CNTNAP5: variants seen among roughly 807,000 people sequenced by gnomAD.
CNTNAP5 encodes the protein contactin-associated protein-like 5.
CNTNAP5 carries 72 observed loss-of-function variants against 150.2 expected under a neutral mutation model. The ratio of observed to expected loss-of-function variants is 0.48; its 90% CI spans 0.40 to 0.58. The LOEUF is 0.58. Ranked by LOEUF, CNTNAP5 falls within the 20% of genes least tolerant of loss-of-function variation. The pLI is 0.00. For synonymous variants in CNTNAP5, 672 were observed against 619.8 expected (o/e 1.08, Z -1.25); for missense variants, 1,636 against 1,626.2 (o/e 1.01, Z -0.10).
intron 12 of CNTNAP5, among the ~76,000 whole-genome samples, chr2:124,612,203 A>G (rs1677399321): frequency 6.6e-6 from 1 of 152,248 alleles, no homozygotes; most frequent in African/African-American, 2.4e-5. Context: ...TCCGCAATCC[A>G]GAGATTGCCA....
intron 3 of CNTNAP5, among the ~76,000 whole-genome samples, chr2:124,250,816 G>GA (rs143368701): frequency 0.06 from 8,229 of 137,632 alleles, 704 homozygotes; most frequent in African/African-American, 0.19. Flanking sequence ...TTTTTAAGTT[G>GA]AAAAAAAAAA....
chr2:124,791,698 T>C (rs1019001223), intron 18 of CNTNAP5, among the ~76,000 whole-genome samples: 3 of 148,932 alleles, frequency 2.0e-5, no homozygotes, highest in South Asian at 4.2e-4. Context: ...AATTTCTTTT[T>C]TTTTTTTTTT....
At chr2:124,441,207 C>A (rs927032106) in intron 5 of CNTNAP5, among the ~76,000 whole-genome samples, 1 of 152,008 alleles carries the variant, frequency 6.6e-6, no homozygotes, top group South Asian at 2.1e-4. Context: ...TCCATATGTG[C>A]TCCTTTTTGG....
chr2:124,445,355 C>A (rs904464519), intron 5 of CNTNAP5, among the ~76,000 whole-genome samples: 2 of 152,088 alleles, frequency 1.3e-5, no homozygotes, highest in African/African-American at 4.8e-5. Flanking sequence ...GCCTCGGCCT[C>A]CCAAAGTGGT....
Position 124,463,040 on chromosome 2 carries a change from T to C in CNTNAP5, c.919-11699T>C, listed in dbSNP as rs527325562. 2.6e-5 allele frequency among the ~76,000 whole-genome samples: 4 copies of C among 152,238 alleles called. No homozygotes were observed. In the South Asian group the frequency reaches 8.3e-4, roughly 32 times the overall value. ...TGGAAGGCGGTGGCAACCTCCTATG[T>C]CATCTCCCCTGGGCTCATAAGGCCC... On this transcript the variant is annotated intron_variant, in intron 6 of 23. Coordinates refer to ENST00000682447, the MANE Select transcript of CNTNAP5 (RefSeq NM_001367498.1).
At position 124,661,142 on chromosome 2, in the gene CNTNAP5, C is replaced by T. The variant is rs548635640; in HGVS notation, c.2077+13184C>T. On this transcript the variant is annotated intron_variant, in intron 13 of 23. Transcript: ENST00000682447. ...AACACTGCACACTTAGGCTACACTA[C>T]ATTTAAAAAAATATTTTTTCTTCAA... Among the ~76,000 whole-genome samples, 10 of 152,024 alleles carry T rather than the reference C, an allele frequency of 6.6e-5. No homozygotes were observed. In the South Asian group the frequency reaches 2.1e-3, roughly 32 times the overall value.
chr2:124,662,148 G>T (rs1254421823), intron 13 of CNTNAP5, among the ~76,000 whole-genome samples: 4 of 152,170 alleles, frequency 2.6e-5, no homozygotes, highest in Admixed American at 2.0e-4. Flanking sequence ...TCCCTGAAAA[G>T]GACATGAACT....
At chr2:124,418,527 G>A (rs866717212) in intron 4 of CNTNAP5, among the ~76,000 whole-genome samples, 25 of 152,194 alleles carry the variant, frequency 1.6e-4, no homozygotes, top group Middle Eastern at 3.4e-3. Flanking sequence ...ATCCAAAAGC[G>A]GAATGTTTAC....
chr2:124,186,761 G>C (rs1415184499), intron 1 of CNTNAP5, among the ~76,000 whole-genome samples: 1 of 152,092 alleles, frequency 6.6e-6, no homozygotes. Flanking sequence ...TAAGCTTCAT[G>C]GTCTTTCAGA....
chr2:124,420,052 A>G (rs1344767058), intron 4 of CNTNAP5, among the ~76,000 whole-genome samples: 6 of 132,704 alleles, frequency 4.5e-5, no homozygotes, highest in Non-Finnish European at 7.6e-5. Flanking sequence ...AGTGCATGGC[A>G]TGATCTCAGC....
At chr2:124,450,997 C>T (rs2104810398) in intron 6 of CNTNAP5, among the ~76,000 whole-genome samples, 1 of 127,574 alleles carries the variant, frequency 7.8e-6, no homozygotes, top group South Asian at 2.6e-4. Flanking sequence ...CACTGCACTC[C>T]AGCCTGGGTA....
chr2:124,421,869 C>A (rs1241049746), intron 4 of CNTNAP5, among the ~76,000 whole-genome samples: 2 of 152,186 alleles, frequency 1.3e-5, no homozygotes, highest in African/African-American at 2.4e-5. Context: ...TTCTTGTACA[C>A]CCACCATTAG....
intron 1 of CNTNAP5, among the ~76,000 whole-genome samples, chr2:124,114,025 A>T (rs1032936161): frequency 2.0e-5 from 3 of 152,046 alleles, no homozygotes; most frequent in African/African-American, 7.2e-5. Context: ...TACTGTAGTT[A>T]TAATGATTTG....
intron 3 of CNTNAP5, among the ~76,000 whole-genome samples, chr2:124,324,974 C>T (rs568319411): frequency 5.3e-5 from 8 of 152,184 alleles, no homozygotes; most frequent in Non-Finnish European, 1.0e-4. Flanking sequence ...GAGTTTCACA[C>T]TTAATGAAAA....
intron 19 of CNTNAP5, among the ~76,000 whole-genome samples, chr2:124,827,335 T>C (rs1682617682): frequency 6.6e-6 from 1 of 152,132 alleles, no homozygotes; most frequent in Admixed American, 6.6e-5. Flanking sequence ...CAGGATGGAT[T>C]CCCCTCAAAT....
intron 1 of CNTNAP5, among the ~76,000 whole-genome samples, chr2:124,027,332 C>T (rs1385690322): frequency 6.6e-6 from 1 of 152,162 alleles, no homozygotes; most frequent in Admixed American, 6.5e-5. Flanking sequence ...CAGTATTGTC[C>T]TAATGATACA....
intron 19 of CNTNAP5, among the ~76,000 whole-genome samples, chr2:124,814,629 C>A (rs978720734): frequency 6.6e-6 from 1 of 151,792 alleles, no homozygotes; most frequent in East Asian, 1.9e-4. Context: ...AATGGTTCAT[C>A]TTCAAAAGAG....
At chr2:124,624,735 T>C (rs1677684074) in intron 12 of CNTNAP5, among the ~76,000 whole-genome samples, 1 of 152,166 alleles carries the variant, frequency 6.6e-6, no homozygotes, top group South Asian at 2.1e-4. Context: ...AGCTGGTAGA[T>C]GGTACAGAAA....
chr2:124,287,232 T>C lies in CNTNAP5; in HGVS notation c.381+44839T>C, dbSNP rs148141748. Among the ~76,000 whole-genome samples, 4 of 152,282 alleles carry C rather than the reference T, an allele frequency of 2.6e-5. No individual in the cohort carries two copies. In the East Asian group the frequency reaches 7.7e-4, roughly 29 times the overall value. The stretch of plus-strand genomic sequence containing the variant: ...TTCTTTGAGGTAGGTGGTCTCATTA[T>C]CTCCATTGGATAAATGAGGAAATGG... On this transcript the variant is annotated intron_variant, in intron 3 of 23. Coordinates refer to ENST00000682447, the MANE Select transcript of CNTNAP5 (RefSeq NM_001367498.1).
Sources: allele counts gnomAD v4.1 joint callset (sites outside exome capture counted in the v4.1 genomes callset), GRCh38; gene constraint gnomAD v4.1.1; transcripts MANE v1.5; gene names NCBI Gene and HGNC (gene_info 2026-07-23, HGNC 2026-07-21).